The following VSIG10 variants were observed in gnomAD, a reference collection of about 807,000 sequenced individuals.
VSIG10 encodes the protein V-set and immunoglobulin domain-containing protein 10.
In VSIG10, 48 loss-of-function variants were observed where a neutral mutation model predicts 58.7. The observed-to-expected ratio is 0.82, with a 90% confidence interval of 0.65 to 1.04. The LOEUF (loss-of-function observed/expected upper bound fraction) is 1.04. VSIG10 is among the 50% of genes least tolerant of loss of function. The pLI is 0.00. For synonymous variants in VSIG10, 260 were observed against 267.1 expected, an observed-to-expected ratio of 0.97 and a Z score of 0.26; for missense variants, 628 against 670.0, an observed-to-expected ratio of 0.94 and a Z score of 0.69.
At chr12:118,086,020 G>A (rs2033114634) in intron 2 of VSIG10, among the ~76,000 whole-genome samples, 1 of 151,814 alleles carries the variant, frequency 6.6e-6, no homozygotes, top group South Asian at 2.1e-4. Context: ...TTAGCCAGGC[G>A]TGATGGCAAA....
chr12:118,069,093 T>C (rs969939167), intron 7 of VSIG10, among the ~76,000 whole-genome samples: 2 of 150,860 alleles, frequency 1.3e-5, no homozygotes, highest in East Asian at 4.1e-4. Context: ...TACATTTCTT[T>C]TTTTTTTCTT....
chr12:118,097,422 C>T (rs1212732841), intron 1 of VSIG10, among the ~76,000 whole-genome samples: 1 of 152,146 alleles, frequency 6.6e-6, no homozygotes, highest in Non-Finnish European at 1.5e-5. Context: ...CGAGACTAGC[C>T]TGGCCAACAT....
At chr12:118,096,430 C>T (rs1322928546) in intron 1 of VSIG10, among the ~76,000 whole-genome samples, 3 of 151,432 alleles carry the variant, frequency 2.0e-5, no homozygotes, top group African/African-American at 4.8e-5. Context: ...AATACAAAAT[C>T]AGCTGGGCGT....
intron 2 of VSIG10, among the ~76,000 whole-genome samples, chr12:118,090,187 G>T (rs1310178789): frequency 1.3e-5 from 2 of 151,966 alleles, no homozygotes; most frequent in African/African-American, 4.8e-5. Context: ...GGTGGTGCGA[G>T]CCAGCTACCC....
At position 118,076,293 on chromosome 12, in the gene VSIG10, G is replaced by A. The variant is rs575930726; in HGVS notation, c.926-2301C>T. ...AACCTGCAGCTGCGGGCTAAATTCG[G>A]CCCAGGATGGCTTTGAATGTGAGGA... On this transcript the variant is annotated intron_variant, in intron 4 of 8. Transcript: ENST00000359236. Among the ~76,000 whole-genome samples, 5 of 151,866 alleles carry A rather than the reference G, an allele frequency of 3.3e-5. 1 individual carries two copies. The highest frequency in any genetic ancestry group is 1.2e-4 in the African/African-American group (5 of 41,422).
chr12:118,082,017 TAAAAA>T (rs11413291), intron 3 of VSIG10, 105 bp downstream of exon 3: 2,064 of 848,198 alleles, frequency 2.4e-3, no homozygotes, highest in South Asian at 4.4e-3. Context: ...AACTCCATCT[TAAAAA>T]AAAAAAAAAA....
chr12:118,072,911 AT>A (rs1268802915), intron 5 of VSIG10, among the ~76,000 whole-genome samples: 1 of 152,132 alleles, frequency 6.6e-6, no homozygotes, highest in South Asian at 2.1e-4. Context: ...GGACACACTT[AT>A]ACTTAAAAGT....
rs1201404360 is a variant in VSIG10 at position 118,095,646 on chromosome 12, A to G, written c.248T>C (p.Val83Ala). Reference protein sequence around the residue: ...LRPAEPRFSLVDATSLHIESL... With the variant: ...LRPAEPRFSLADATSLHIESL... The stretch of plus-strand genomic sequence containing the variant: ...TTCAATGTGCAGGGAGGTGGCATCC[A>G]CTAGAGAGAAGCGAGGCTCAGCTGG... Residue 83 changes from valine (V) to alanine (A), a missense_variant, in exon 2 of 9, where the codon GTG becomes GCG. Coordinates refer to ENST00000359236, the MANE Select transcript of VSIG10 (RefSeq NM_019086.6). 6.2e-7 allele frequency: 1 copy of G among 1,613,934 alleles called. No individual in the cohort carries two copies. The highest frequency in any genetic ancestry group is 8.5e-7 in the Non-Finnish European group (1 of 1,179,882).
chr12:118,093,255 C>T (rs12367922), intron 2 of VSIG10, among the ~76,000 whole-genome samples: 1 of 151,172 alleles, frequency 6.6e-6, no homozygotes, highest in African/African-American at 2.4e-5. Context: ...GCTGAGATTG[C>T]GCCACTGCAC....
chr12:118,064,819 C>G lies in VSIG10; in HGVS notation c.*1820G>C, dbSNP rs950266135. On this transcript the variant is annotated 3_prime_UTR_variant, in exon 9 of 9. Coordinates refer to ENST00000359236, the MANE Select transcript of VSIG10 (RefSeq NM_019086.6). ...AATCCCTTCATCCAAGAAAACAGAC[C>G]TTCCCCAACCACACCTGCAGGGTTA... 1.3e-5 allele frequency: 2 copies of G among 152,130 alleles called. No homozygotes were observed. The highest frequency in any genetic ancestry group is 4.8e-5 in the African/African-American group (2 of 41,414). The allele number at this position is 152,130 out of a possible 1,614,324, so 9.4% of individuals were successfully genotyped here.
In VSIG10 at chr12:118,065,425, CCTAA is replaced by C. The variant is rs1566149487; in HGVS notation, c.*1210_*1213del. Reference sequence around the variant, plus strand: ...GAAAGGCACTTCCTATTACCAGCTCCCTAACTCTTTTTAAAAGAATTCTATCTCC... The same window carrying C: ...GAAAGGCACTTCCTATTACCAGCTCCCTCTTTTTAAAAGAATTCTATCTCC... On this transcript the variant is annotated 3_prime_UTR_variant, in exon 9 of 9. Transcript: ENST00000359236. 6.6e-6 allele frequency: 1 copy of C among 152,326 alleles called. No homozygotes were observed. Among genetic ancestry groups the C allele is most frequent in the East Asian group, 1.9e-4 (1 of 5,190 alleles). 9.4% of individuals were successfully genotyped at this position (152,326 alleles called of 1,614,324 possible).
rs1491144530 is a variant in VSIG10, at chr12:118,065,787, A to AT, written c.*851dup. On this transcript the variant is annotated 3_prime_UTR_variant, in exon 9 of 9. Coordinates refer to ENST00000359236, the MANE Select transcript of VSIG10 (RefSeq NM_019086.6). ...TGTTTTTCAATAAATGGAAGGAAAGATGTGTGTGCTTGGTTTTTTTGCTGA... is the reference window on the plus strand; with the variant it reads ...TGTTTTTCAATAAATGGAAGGAAAGATTGTGTGTGCTTGGTTTTTTTGCTGA... 6.6e-6 allele frequency: 1 copy of AT among 152,228 alleles called. No individual in the cohort carries two copies. Among genetic ancestry groups the AT allele is most frequent in the Non-Finnish European group, 1.5e-5 (1 of 68,058 alleles). The allele number at this position is 152,228 out of a possible 1,614,324, so 9.4% of individuals were successfully genotyped here.
At chr12:118,071,766 A>G (rs1033400671) in intron 5 of VSIG10, among the ~76,000 whole-genome samples, 7 of 152,262 alleles carry the variant, frequency 4.6e-5, no homozygotes, top group East Asian at 1.9e-4. Flanking sequence ...TATCAATGCC[A>G]TGATAAACAG....
At chr12:118,071,157 C>G in intron 6 of VSIG10, 90 bp from the exon 7 acceptor site, 1 of 1,456,028 alleles carries the variant, frequency 6.9e-7, no homozygotes, top group Non-Finnish European at 9.5e-7. Flanking sequence ...ACTAGAGGAA[C>G]AAATAAGAAA....
chr12:118,097,501 G>A (rs757416328), intron 1 of VSIG10, among the ~76,000 whole-genome samples: 1 of 151,280 alleles, frequency 6.6e-6, no homozygotes, highest in Non-Finnish European at 1.5e-5. Flanking sequence ...TGTAGTCCCA[G>A]CTACTCAGGA....
chr12:118,077,862 T>C (rs1358760770), intron 4 of VSIG10, among the ~76,000 whole-genome samples: 1 of 152,158 alleles, frequency 6.6e-6, no homozygotes, highest in African/African-American at 2.4e-5. Flanking sequence ...CTTCAATTCT[T>C]CCGGCTGACA....
chr12:118,102,064 T>C (rs377421060), intron 1 of VSIG10: 3 of 152,290 alleles, frequency 2.0e-5, no homozygotes, highest in East Asian at 1.9e-4. Flanking sequence ...GTGCAGTGAT[T>C]GCACCACTGC....
At chr12:118,087,961 T>C (rs2033178525) in intron 2 of VSIG10, among the ~76,000 whole-genome samples, 1 of 150,332 alleles carries the variant, frequency 6.7e-6, no homozygotes, top group Non-Finnish European at 1.5e-5. Context: ...AAGACCCAGA[T>C]GAGGCTGGGC....
rs910596764 is a variant in VSIG10 at position 118,064,247 on chromosome 12, A to G, written c.*2392T>C. ...ATATTACTGTGCACACAGGACTCAG[A>G]TATGTGACAGCAGTCACAGCTCAGC... is the stretch of plus-strand genomic sequence containing the variant. On this transcript the variant is annotated 3_prime_UTR_variant, in exon 9 of 9. Transcript: ENST00000359236. 1.3e-5 allele frequency: 2 copies of G among 152,222 alleles called. No individual in the cohort carries two copies. Among genetic ancestry groups the G allele is most frequent in the African/African-American group, 4.8e-5 (2 of 41,456 alleles). 9.4% of individuals were successfully genotyped at this position (152,222 alleles called of 1,614,324 possible).
Sources: gnomAD v4.1 joint callset for allele counts (sites outside exome capture counted in the v4.1 genomes callset) on GRCh38, gnomAD v4.1.1 for gene constraint, MANE v1.5 for transcripts, NCBI Gene and HGNC (gene_info 2026-07-23, HGNC 2026-07-21) for gene names.